Variants in PIK3C2G observed in about 807,000 individuals in gnomAD.
The protein encoded by PIK3C2G is phosphatidylinositol-4-phosphate 3-kinase catalytic subunit type 2 gamma, also known as phosphatidylinositol 3-kinase C2 domain-containing subunit gamma.
In PIK3C2G, 168 loss-of-function variants were observed where a neutral mutation model predicts 181.1. The ratio of observed to expected loss-of-function variants is 0.93; its 90% CI spans 0.82 to 1.05. The LOEUF (loss-of-function observed/expected upper bound fraction) is 1.05. Among genes scored for constraint, PIK3C2G ranks in the 50% least tolerant of loss-of-function variants. The pLI, the probability that PIK3C2G is intolerant of heterozygous loss-of-function variation, is 0.00. For missense variants in PIK3C2G, 1,869 were observed against 1,732.8 expected (o/e 1.08, Z -1.40); for synonymous variants, 573 against 592.2 (o/e 0.97, Z 0.47).
chr12:18,270,138 G>A (rs549853239), intron 1 of PIK3C2G, among the ~76,000 whole-genome samples: 18 of 152,036 alleles, frequency 1.2e-4, no homozygotes, highest in African/African-American at 3.9e-4. Context: ...TTGAACTCCC[G>A]ACCTCAGGTG....
chr12:18,423,130 T>TGGGA (rs1555184940), intron 17 of PIK3C2G, among the ~76,000 whole-genome samples: 4 of 149,108 alleles, frequency 2.7e-5, no homozygotes, highest in Admixed American at 1.4e-4. Flanking sequence ...TCTGAAGCTT[T>TGGGA]GAGAGAGAGA....
At chr12:18,483,175 C>T (rs7964237) in intron 18 of PIK3C2G, among the ~76,000 whole-genome samples, 70,462 of 151,912 alleles carry the variant, frequency 0.46, 16,910 homozygotes, top group East Asian at 0.57. Flanking sequence ...AGGGTAGAGC[C>T]GAAGTTTTTA....
chr12:18,371,437 A>G lies in PIK3C2G; in HGVS notation c.1880+126A>G, dbSNP rs554455981. The G allele has an allele frequency of 4.0e-5, 31 of 767,698 alleles. No individual in the cohort carries two copies. The African/African-American group carries it at 5.4e-4, about 13-fold the overall frequency. The allele number at this position is 767,698 out of a possible 1,614,324, so 47.6% of individuals were successfully genotyped here. On this transcript the variant is annotated intron_variant, in intron 13 of 32. Coordinates refer to ENST00000538779, the MANE Select transcript of PIK3C2G (RefSeq NM_001288772.2). The stretch of plus-strand genomic sequence containing the variant: ...TTTATTCTAAAATTGACATAGTTCA[A>G]TATAAATCGTGACTGCTGAAATCAG...
chr12:18,249,387 C>T (rs1261609786), intron 1 of PIK3C2G, among the ~76,000 whole-genome samples: 2 of 152,042 alleles, frequency 1.3e-5, no homozygotes, highest in Non-Finnish European at 2.9e-5. Flanking sequence ...AAAGTAACTA[C>T]GTTTTCACTT....
chr12:18,562,709 A>G lies in PIK3C2G; in HGVS notation c.3597A>G (p.Ile1199Met). The part of the protein sequence containing the change: ...LEATSHFTKK[I>M]KESLECFPVK... Reference sequence around the variant, plus strand: ...TTCTTTTACATTTCTCTAGGAAAATAAAGGAAAGTCTGGAGTGTTTCCCTG... The same window carrying G: ...TTCTTTTACATTTCTCTAGGAAAATGAAGGAAAGTCTGGAGTGTTTCCCTG... The change falls in exon 27 of 33, where the codon ATA becomes ATG. Residue 1199 changes from isoleucine to methionine, a missense_variant. Transcript: ENST00000538779. 6.3e-7 allele frequency: 1 copy of G among 1,577,788 alleles called. No homozygotes were observed. Among genetic ancestry groups the G allele is most frequent in the East Asian group, 2.3e-5 (1 of 44,276 alleles).
the PIK3C2G span, among the ~76,000 whole-genome samples, chr12:18,665,679 A>C: frequency 6.6e-6 from 1 of 152,046 alleles, no homozygotes; most frequent in South Asian, 2.1e-4. Context: ...GCTCATGCCT[A>C]TAATCCCAGA....
At chr12:18,433,229 A>T (rs1946262551) in intron 18 of PIK3C2G, among the ~76,000 whole-genome samples, 2 of 152,156 alleles carry the variant, frequency 1.3e-5, no homozygotes, top group Non-Finnish European at 1.5e-5. Flanking sequence ...AAAACATTAA[A>T]TGTGTCCCGG....
intron 15 of PIK3C2G, among the ~76,000 whole-genome samples, chr12:18,399,377 T>C (rs543580085): frequency 2.7e-5 from 4 of 149,170 alleles, no homozygotes; most frequent in Admixed American, 6.7e-5. Flanking sequence ...CAAAATGACA[T>C]ATTAAAAAAA....
chr12:18,552,768 TG>T (rs1478889577), intron 26 of PIK3C2G, among the ~76,000 whole-genome samples: 1 of 152,154 alleles, frequency 6.6e-6, no homozygotes, highest in Non-Finnish European at 1.5e-5. Context: ...ACATTCATTA[TG>T]ATGTTTGATA....
chr12:18,425,332 GA>G (rs1945735242), intron 18 of PIK3C2G, among the ~76,000 whole-genome samples: 1 of 150,132 alleles, frequency 6.7e-6, no homozygotes, highest in African/African-American at 2.4e-5. Context: ...TTGTGTTTTT[GA>G]AGTAAAGAAG....
chr12:18,492,231 A>G (rs1007883950), intron 20 of PIK3C2G, among the ~76,000 whole-genome samples: 1 of 152,202 alleles, frequency 6.6e-6, no homozygotes, highest in African/African-American at 2.4e-5. Flanking sequence ...TAACAGAGAA[A>G]ATTATGAATA....
At chr12:18,689,708 G>A in the PIK3C2G span, among the ~76,000 whole-genome samples, 8 of 152,162 alleles carry the variant, frequency 5.3e-5, no homozygotes, top group Non-Finnish European at 1.2e-4. Context: ...TTTGGATTTA[G>A]AAAGCAGTCC....
At chr12:18,719,850 TTTAA>T in the PIK3C2G span, among the ~76,000 whole-genome samples, 2 of 152,076 alleles carry the variant, frequency 1.3e-5, no homozygotes, top group Non-Finnish European at 2.9e-5. Flanking sequence ...TAATATATTA[TTTAA>T]TTATCTCTTT....
At chr12:18,718,399 A>C in the PIK3C2G span, among the ~76,000 whole-genome samples, 1 of 152,096 alleles carries the variant, frequency 6.6e-6, no homozygotes, top group African/African-American at 2.4e-5. Context: ...CTTAAGGAAA[A>C]TCCTTCTCAG....
chr12:18,495,408 T>A (rs894071023), intron 20 of PIK3C2G, among the ~76,000 whole-genome samples: 4 of 152,060 alleles, frequency 2.6e-5, no homozygotes, highest in African/African-American at 9.7e-5. Context: ...ACAAAATATA[T>A]GTTGTACTGC....
At chr12:18,568,055 G>T (rs1017510159) in intron 29 of PIK3C2G, among the ~76,000 whole-genome samples, 1 of 152,092 alleles carries the variant, frequency 6.6e-6, no homozygotes, top group Non-Finnish European at 1.5e-5. Context: ...TCTCAGAAGG[G>T]CTCTTGTGAT....
At chr12:18,416,251 AAAAAG>A (rs151162608) in intron 16 of PIK3C2G, among the ~76,000 whole-genome samples, 11 of 151,578 alleles carry the variant, frequency 7.3e-5, no homozygotes, top group East Asian at 3.9e-4. Flanking sequence ...TCTCAAAAAG[AAAAAG>A]AAAAGAAAAG....
chr12:18,710,176 T>C, the PIK3C2G span, among the ~76,000 whole-genome samples: 1 of 148,356 alleles, frequency 6.7e-6, no homozygotes. Flanking sequence ...TTTTCTTATC[T>C]AGTTGCCCAT....
chr12:18,671,199 A>G, the PIK3C2G span, among the ~76,000 whole-genome samples: 48 of 151,756 alleles, frequency 3.2e-4, no homozygotes, highest in African/African-American at 9.4e-4. Flanking sequence ...AAAAAAAAAA[A>G]AAAGAAAGAA....
Sources: gnomAD v4.1 joint callset for allele counts (sites outside exome capture counted in the v4.1 genomes callset) on GRCh38, gnomAD v4.1.1 for gene constraint, MANE v1.5 for transcripts, NCBI Gene and HGNC (gene_info 2026-07-23, HGNC 2026-07-21) for gene names.